Variants in BAIAP2 observed in about 807,000 individuals in gnomAD.
BAIAP2 encodes the protein BAR/IMD domain containing adaptor protein 2, also known as BAR/IMD domain-containing adapter protein 2.
Under a neutral mutation model 63.0 loss-of-function variants are expected in BAIAP2, and 18 were observed. That is an observed-to-expected ratio of 0.29 (90% CI 0.20 to 0.42). BAIAP2 has a LOEUF of 0.42. Ranked by LOEUF, BAIAP2 falls within the 10% of genes least tolerant of loss-of-function variation. The pLI, the probability that BAIAP2 is intolerant of heterozygous loss-of-function variation, is 1.00. For missense variants in BAIAP2, 610 were observed against 734.3 expected (o/e 0.83, Z 1.96); for synonymous variants, 386 against 307.6 (o/e 1.25, Z -2.67).
chr17:81,109,276 G>C, intron 13 of BAIAP2: 1 of 1,299,858 alleles, frequency 7.7e-7, no homozygotes, highest in Non-Finnish European at 9.8e-7. Flanking sequence ...GCCGTGCGGG[G>C]CACCCTCGGC....
intron 6 of BAIAP2, among the ~76,000 whole-genome samples, chr17:81,094,119 C>T (rs766643283): frequency 1.4e-4 from 21 of 152,132 alleles, no homozygotes; most frequent in Non-Finnish European, 2.2e-4. Flanking sequence ...AGCCAGGGGT[C>T]GGGCACTCTG....
At chr17:81,103,871 C>A (rs1280152633) in intron 8 of BAIAP2, 36 bp from the exon 9 acceptor site, 1 of 1,609,446 alleles carries the variant, frequency 6.2e-7, no homozygotes, top group East Asian at 2.2e-5. Flanking sequence ...CCGGGGTGGG[C>A]TCCAGCAACA....
chr17:81,056,173 G>A (rs1349789919), intron 2 of BAIAP2, among the ~76,000 whole-genome samples: 1 of 152,172 alleles, frequency 6.6e-6, no homozygotes, highest in Admixed American at 6.5e-5. Flanking sequence ...TGGGTGCAGA[G>A]GGCTTCCAAC....
intron 3 of BAIAP2, among the ~76,000 whole-genome samples, chr17:81,062,152 T>C (rs1247213675): frequency 2.0e-5 from 3 of 152,158 alleles, no homozygotes; most frequent in South Asian, 4.1e-4. Flanking sequence ...GGTTTCACCA[T>C]GTTGTCCAGG....
intron 13 of BAIAP2, chr17:81,110,001 T>C: frequency 1.0e-6 from 1 of 985,462 alleles, no homozygotes; most frequent in Non-Finnish European, 1.2e-6. Context: ...TCTCGTCTTT[T>C]TGTGTGTCTT....
At chr17:81,106,210 A>G in intron 11 of BAIAP2, 64 bp downstream of exon 11, 2 of 1,493,806 alleles carry the variant, frequency 1.3e-6, no homozygotes, top group Non-Finnish European at 1.8e-6. Flanking sequence ...TGATGACACC[A>G]GGTCCCTGGG....
chr17:81,082,198 C>T (rs1043822241), intron 3 of BAIAP2, among the ~76,000 whole-genome samples: 3 of 152,130 alleles, frequency 2.0e-5, no homozygotes, highest in Middle Eastern at 3.2e-3. Flanking sequence ...ACTCGGGTCA[C>T]GGCCAGGCAC....
At chr17:81,071,060 G>C (rs1459687020) in intron 3 of BAIAP2, among the ~76,000 whole-genome samples, 1 of 151,832 alleles carries the variant, frequency 6.6e-6, no homozygotes, top group Non-Finnish European at 1.5e-5. Flanking sequence ...TGGGGAAGCA[G>C]CGTCAGCTAC....
chr17:81,057,836 T>C, intron 2 of BAIAP2, 45 bp from the exon 3 acceptor site: 1 of 1,589,272 alleles, frequency 6.3e-7, no homozygotes, highest in Admixed American at 1.7e-5. Context: ...GGGTCTTGTC[T>C]GTCCCTCGTG....
intron 1 of BAIAP2, among the ~76,000 whole-genome samples, chr17:81,051,146 T>A (rs1328641645): frequency 1.3e-5 from 2 of 151,900 alleles, no homozygotes; most frequent in Non-Finnish European, 2.9e-5. Context: ...CATTGCTGAG[T>A]GTTTAGCTCA....
chr17:81,091,375 T>C (rs534913722), intron 6 of BAIAP2, among the ~76,000 whole-genome samples: 2 of 151,980 alleles, frequency 1.3e-5, no homozygotes, highest in Non-Finnish European at 2.9e-5. Context: ...CCTAAAGCGG[T>C]TGGTTGCTTC....
chr17:81,073,796 A>C (rs1285747966), intron 3 of BAIAP2, among the ~76,000 whole-genome samples: 2 of 152,196 alleles, frequency 1.3e-5, no homozygotes, highest in African/African-American at 4.8e-5. Context: ...GTGAAAGCCG[A>C]AGTGTGAGGG....
chr17:81,051,571 A>AT, intron 1 of BAIAP2, among the ~76,000 whole-genome samples: 1 of 151,922 alleles, frequency 6.6e-6, no homozygotes, highest in Non-Finnish European at 1.5e-5. Flanking sequence ...GGCTTTTTGT[A>AT]TTTTTAGTAG....
chr17:81,109,902 C>G, intron 13 of BAIAP2: 1 of 985,468 alleles, frequency 1.0e-6, no homozygotes, highest in Non-Finnish European at 1.2e-6. Flanking sequence ...GGGCCGGGCC[C>G]GGCTGGGGGA....
At chr17:81,044,554 G>A (rs910676651) in intron 1 of BAIAP2, among the ~76,000 whole-genome samples, 2 of 152,220 alleles carry the variant, frequency 1.3e-5, no homozygotes, top group Admixed American at 6.5e-5. Context: ...TGCACTGCGC[G>A]ATGCCGGGGC....
chr17:81,038,195 G>T (rs4969354), intron 1 of BAIAP2, among the ~76,000 whole-genome samples: 17,175 of 152,308 alleles, frequency 0.11, 1,092 homozygotes, highest in East Asian at 0.29. Flanking sequence ...TGCCTCCCCC[G>T]GTGGCCTTTG....
At chr17:81,085,581 A>AGCCCT (rs1437637617) in intron 4 of BAIAP2, 73 bp from the exon 5 acceptor site, 3 of 1,325,150 alleles carry the variant, frequency 2.3e-6, no homozygotes, top group East Asian at 2.3e-5. Context: ...CATCCGCTCT[A>AGCCCT]GCCCTGCCCT....
chr17:81,110,302 C>T (rs1465767330), intron 13 of BAIAP2: 1 of 986,216 alleles, frequency 1.0e-6, no homozygotes, highest in Non-Finnish European at 1.2e-6. Flanking sequence ...GTGTAGAGAC[C>T]CTTCCGCGCC....
At chr17:81,072,859 C>T (rs2052946291) in intron 3 of BAIAP2, among the ~76,000 whole-genome samples, 1 of 152,044 alleles carries the variant, frequency 6.6e-6, no homozygotes, top group African/African-American at 2.4e-5. Context: ...GCTCTGGGGC[C>T]GGGCTGTCCC....
Sources: allele counts gnomAD v4.1 joint callset (sites outside exome capture counted in the v4.1 genomes callset), GRCh38; gene constraint gnomAD v4.1.1; transcripts MANE v1.5; gene names NCBI Gene and HGNC (gene_info 2026-07-23, HGNC 2026-07-21).